Variants in IGLL5 observed in about 807,000 individuals in gnomAD.
The protein encoded by IGLL5 is immunoglobulin lambda-like polypeptide 5.
Under a neutral mutation model 20.9 loss-of-function variants are expected in IGLL5, and 30 were observed. The observed-to-expected ratio is 1.44, with a 90% CI of 1.07 to 1.95. IGLL5 has a LOEUF of 1.95. IGLL5 is among the 30% of genes most tolerant of loss of function. IGLL5 has a pLI of 0.00. For synonymous variants in IGLL5, 203 were observed against 117.3 expected (o/e 1.73, Z -4.72); for missense variants, 475 against 270.7 (o/e 1.75, Z -5.30).
chr22:22,888,762 G>A (rs1601603775), intron 1 of IGLL5, among the ~76,000 whole-genome samples: 1 of 151,458 alleles, frequency 6.6e-6, no homozygotes, highest in Admixed American at 6.6e-5. Context: ...AATGCTTACT[G>A]GGGCCAGGCT....
intron 2 of IGLL5, 22 bp from the exon 3 acceptor site, chr22:22,895,353 A>AC: frequency 6.2e-7 from 1 of 1,606,852 alleles, no homozygotes; most frequent in South Asian, 1.1e-5. Context: ...GCCCTCTCTC[A>AC]CCCCCTTCCC....
Position 22,895,945 on chromosome 22 carries a change from G to C in IGLL5, c.*251G>C. The C allele has an allele frequency of 1.7e-6, 1 of 588,446 alleles. No individual in the cohort carries two copies. Among genetic ancestry groups the C allele is most frequent in the South Asian group, 2.0e-5 (1 of 49,466 alleles). 36.5% of individuals were successfully genotyped at this position (588,446 alleles called of 1,614,324 possible). On this transcript the variant is annotated 3_prime_UTR_variant, in exon 3 of 3. Coordinates refer to ENST00000526893, the MANE Select transcript of IGLL5 (RefSeq NM_001178126.2). ...GTGTGAAAATCACCCAAGGGAGGAG[G>C]CTCACAGCCTCCCTGAGTCATCTCC...
At chr22:22,893,878 T>TTTTC in intron 2 of IGLL5, 60 bp downstream of exon 2, 1 of 1,190,164 alleles carries the variant, frequency 8.4e-7, no homozygotes. Context: ...GGAAAATCTG[T>TTTTC]TTTCTCTCTC....
intron 2 of IGLL5, among the ~76,000 whole-genome samples, chr22:22,894,898 C>A (rs567936165): frequency 6.6e-6 from 1 of 151,386 alleles, no homozygotes; most frequent in African/African-American, 2.4e-5. Context: ...CAGTTCAAAG[C>A]AGGCTTGGGT....
chr22:22,894,449 T>C (rs535326685), intron 2 of IGLL5, among the ~76,000 whole-genome samples: 2 of 151,378 alleles, frequency 1.3e-5, no homozygotes, highest in South Asian at 2.1e-4. Flanking sequence ...AATCCAACCC[T>C]CCCAGGACAG....
In IGLL5 at chr22:22,895,621, G is replaced by A. The variant is rs980130526; in HGVS notation, c.572G>A (p.Arg191Lys). ...SLTPEQWKSH[R>K]SYSCQVTHEG... ...ACGCCCGAGCAGTGGAAGTCCCACA[G>A]AAGCTACAGCTGCCAGGTCACGCAT... The change falls in exon 3 of 3, where the codon AGA (arginine) becomes AAA (lysine). Residue 191 changes from arginine (R) to lysine (K), a missense_variant. By Grantham distance (26) the Arg-to-Lys change is conservative (BLOSUM62 2). Transcript: ENST00000526893. 6.8e-6 allele frequency: 11 copies of A among 1,613,226 alleles called. No individual in the cohort carries two copies. Among genetic ancestry groups the A allele is most frequent in the African/African-American group, 2.7e-5 (2 of 74,794 alleles).
intron 2 of IGLL5, among the ~76,000 whole-genome samples, chr22:22,894,914 C>T (rs1319767703): frequency 1.3e-5 from 2 of 151,356 alleles, no homozygotes; most frequent in South Asian, 2.1e-4. Flanking sequence ...TGGGTCTCCC[C>T]ACACACTGCC....
rs754368059 is a variant in IGLL5 at position 22,889,324 on chromosome 22, G to A, written c.206+1065G>A. On this transcript the variant is annotated intron_variant, in intron 1 of 2. Coordinates refer to ENST00000526893, the MANE Select transcript of IGLL5 (RefSeq NM_001178126.2). Reference sequence around the variant, plus strand: ...GGGCTGAGCAGAGGGGAGCAGACACGCTCGGGGACTGTCTATGGGCATTAA... The same window carrying A: ...GGGCTGAGCAGAGGGGAGCAGACACACTCGGGGACTGTCTATGGGCATTAA... Among the ~76,000 whole-genome samples the A allele has an allele frequency of 7.3e-5, 11 of 151,092 alleles. 1 individual carries two copies. Among genetic ancestry groups the A allele is most frequent in the African/African-American group, 1.9e-4 (8 of 41,218 alleles).
intron 1 of IGLL5, among the ~76,000 whole-genome samples, chr22:22,889,060 C>G (rs541645224): frequency 2.6e-5 from 4 of 151,276 alleles, no homozygotes; most frequent in East Asian, 2.0e-4. Flanking sequence ...AGGACGAGTC[C>G]TTGGATGGAT....
intron 2 of IGLL5, among the ~76,000 whole-genome samples, chr22:22,894,534 G>GTC (rs2066665129): frequency 6.6e-6 from 1 of 151,472 alleles, no homozygotes; most frequent in African/African-American, 2.4e-5. Flanking sequence ...GGGGCCCAGT[G>GTC]TCTCTCTGTT....
intron 2 of IGLL5, among the ~76,000 whole-genome samples, 184 bp downstream of exon 2, chr22:22,894,002 G>A (rs1055165308): frequency 2.6e-5 from 4 of 151,526 alleles, no homozygotes; most frequent in Middle Eastern, 3.7e-3. Context: ...GGCCTCCACA[G>A]TGGGAGCAGC....
In IGLL5 at chr22:22,894,170, G is replaced by C. The variant is rs537232845; in HGVS notation, c.325+352G>C. 5.3e-5 allele frequency among the ~76,000 whole-genome samples: 8 copies of C among 151,486 alleles called. 1 individual carries two copies. The highest frequency in any genetic ancestry group is 4.0e-4 in the East Asian group (2 of 4,948). The stretch of plus-strand genomic sequence containing the variant: ...ATTGCCCAGTGACTCCTGGGGTCAA[G>C]GACAGAGGCTGCTGGGGTGGGCCTG... On this transcript the variant is annotated intron_variant, in intron 2 of 2. Coordinates refer to ENST00000526893, the MANE Select transcript of IGLL5 (RefSeq NM_001178126.2).
At chr22:22,890,270 T>C (rs1168048476) in intron 1 of IGLL5, among the ~76,000 whole-genome samples, 2 of 149,696 alleles carry the variant, frequency 1.3e-5, no homozygotes, top group South Asian at 2.2e-4. Context: ...GGTTGGTCAA[T>C]ATACTTCCAG....
rs552347865 is a variant in IGLL5, at chr22:22,888,171, C to A, written c.118C>A (p.Arg40Ser). The stretch of plus-strand genomic sequence containing the variant: ...GGCCATGGTCGCCCATGGCCTGCTG[C>A]GCCCAATGGTTGCACCGCAAAGCGG... Reference protein sequence around the residue: ...GLAMVAHGLLRPMVAPQSGDP... With the variant: ...GLAMVAHGLLSPMVAPQSGDP... Residue 40 changes from arginine to serine, a missense_variant, in exon 1 of 3, where the codon CGC becomes AGC. By Grantham distance (110) the Arg-to-Ser change is moderately radical. Coordinates refer to ENST00000526893, the MANE Select transcript of IGLL5 (RefSeq NM_001178126.2). 3 of 1,549,156 alleles carry A rather than the reference C, an allele frequency of 1.9e-6. No individual in the cohort carries two copies. Among genetic ancestry groups the A allele is most frequent in the African/African-American group, 2.7e-5 (2 of 72,906 alleles).
chr22:22,889,776 G>A (rs2067752678), intron 1 of IGLL5, among the ~76,000 whole-genome samples: 1 of 151,266 alleles, frequency 6.6e-6, no homozygotes, highest in East Asian at 2.0e-4. Context: ...ATTATTATTA[G>A]TTTAGAGACA....
Position 22,888,032 on chromosome 22 carries a change from G to T in IGLL5, c.-22G>T. 1 of 1,545,316 alleles carries T rather than the reference G, an allele frequency of 6.5e-7. No individual in the cohort carries two copies. Among genetic ancestry groups the T allele is most frequent in the Non-Finnish European group, 8.7e-7 (1 of 1,142,958 alleles). On this transcript the variant is annotated 5_prime_UTR_variant, in exon 1 of 3. Coordinates refer to ENST00000526893, the MANE Select transcript of IGLL5 (RefSeq NM_001178126.2). ...GCCCATGCTGCAAGTCGGGCCAGAGGTGCCCCTGAACCTGAAGGCCAATGA... is the reference window on the plus strand; with the variant it reads ...GCCCATGCTGCAAGTCGGGCCAGAGTTGCCCCTGAACCTGAAGGCCAATGA...
At position 22,893,701 on chromosome 22, in the gene IGLL5, C is replaced by G. The variant is rs762200279; in HGVS notation, c.208C>G (p.Leu70Val). ...RSSLRSLWGR[L>V]LLQPSPQRAD... ...CCCTGTGCCCGTCATGCCCAGCAGG[C>G]TCCTGCTCCAGCCCAGCCCCCAGAG... The change falls in exon 2 of 3, where the codon CTC becomes GTC. Residue 70 changes from leucine (L) to valine (V), a missense_variant and splice_region_variant. Transcript: ENST00000526893. 1 of 1,600,186 alleles carries G rather than the reference C, an allele frequency of 6.2e-7. No homozygotes were observed. Among genetic ancestry groups the G allele is most frequent in the Non-Finnish European group, 8.5e-7 (1 of 1,172,114 alleles).
At chr22:22,889,934 C>G (rs114354214) in intron 1 of IGLL5, among the ~76,000 whole-genome samples, 2 of 151,196 alleles carry the variant, frequency 1.3e-5, no homozygotes, top group African/African-American at 4.9e-5. Flanking sequence ...TTTCAAAAAC[C>G]TGTCAGAAAA....
At position 22,887,999 on chromosome 22, in the gene IGLL5, T is replaced by G; in HGVS notation, c.-55T>G. Reference sequence around the variant, plus strand: ...GGCGAGAGGGACCAGGGCACCGTCCTCCAGGGAGCCCATGCTGCAAGTCGG... The same window carrying G: ...GGCGAGAGGGACCAGGGCACCGTCCGCCAGGGAGCCCATGCTGCAAGTCGG... On this transcript the variant is annotated 5_prime_UTR_variant, in exon 1 of 3. Transcript: ENST00000526893. 7.0e-7 allele frequency: 1 copy of G among 1,423,100 alleles called. No homozygotes were observed. The highest frequency in any genetic ancestry group is 9.7e-7 in the Non-Finnish European group (1 of 1,031,782). The allele number at this position is 1,423,100 out of a possible 1,614,324, so 88.2% of individuals were successfully genotyped here. A position where few individuals can be genotyped will look rare whatever the true frequency, so the allele number is the denominator to read the frequency against.
Sources: gnomAD v4.1 joint callset for allele counts (sites outside exome capture counted in the v4.1 genomes callset) on GRCh38, gnomAD v4.1.1 for gene constraint, MANE v1.5 for transcripts, NCBI Gene and HGNC (gene_info 2026-07-23, HGNC 2026-07-21) for gene names.